COL5A2: variants seen among roughly 807,000 people sequenced by gnomAD.
COL5A2 encodes collagen type V alpha 2 chain, also known as collagen alpha-2(V) chain.
Under a neutral mutation model 208.2 loss-of-function variants are expected in COL5A2, and 23 were observed. That is an observed-to-expected ratio of 0.11 (90% confidence interval 0.08 to 0.16). The LOEUF (loss-of-function observed/expected upper bound fraction) is 0.16, where lower values mean the gene tolerates loss of function less well. Among genes scored for constraint, COL5A2 ranks in the 10% least tolerant of loss-of-function variants. COL5A2 has a pLI of 1.00. For missense variants in COL5A2, 1,590 were observed against 1,956.4 expected (o/e 0.81, Z 3.53); for synonymous variants, 625 against 628.5 (o/e 0.99, Z 0.08).
chr2:189,128,666 G>C (rs1464817164), intron 1 of COL5A2, among the ~76,000 whole-genome samples: 2 of 151,880 alleles, frequency 1.3e-5, no homozygotes, highest in Admixed American at 1.3e-4. Context: ...AGCATCTCTA[G>C]TATTTTGATG....
chr2:189,145,204 G>A (rs1267821394), intron 1 of COL5A2, among the ~76,000 whole-genome samples: 1 of 152,102 alleles, frequency 6.6e-6, no homozygotes, highest in Non-Finnish European at 1.5e-5. Flanking sequence ...CTTAGAAAGG[G>A]TTAGAAACAT....
intron 48 of COL5A2, 130 bp downstream of exon 48, chr2:189,043,021 C>A (rs977783406): frequency 6.0e-5 from 49 of 823,236 alleles, no homozygotes; most frequent in Middle Eastern, 5.8e-4. Flanking sequence ...TGTTATTCAT[C>A]AAGATATTCT....
intron 1 of COL5A2, among the ~76,000 whole-genome samples, chr2:189,120,144 A>G (rs1477378017): frequency 6.6e-6 from 1 of 152,094 alleles, no homozygotes; most frequent in African/African-American, 2.4e-5. Flanking sequence ...GTACAAAAGA[A>G]AACTTTGGAT....
the COL5A2 span, among the ~76,000 whole-genome samples, chr2:189,389,590 A>G: frequency 6.6e-6 from 1 of 152,170 alleles, no homozygotes; most frequent in Non-Finnish European, 1.5e-5. Flanking sequence ...TAAATTTTAG[A>G]TTGGAATAAA....
chr2:189,065,097 AT>A, intron 23 of COL5A2, 40 bp from the exon 24 acceptor site: 1 of 1,588,724 alleles, frequency 6.3e-7, no homozygotes, highest in South Asian at 1.1e-5. Context: ...TGTTGTTGAT[AT>A]TTTTGCAATA....
rs537479541 is a variant in COL5A2, at chr2:189,063,724, T to C, written c.1770+256A>G. On this transcript the variant is annotated intron_variant, in intron 26 of 53. Coordinates refer to ENST00000374866, the MANE Select transcript of COL5A2 (RefSeq NM_000393.5). Reference sequence around the variant, plus strand: ...GACAAATTTCACCAACATTAAAAACTATATCATTTTAACATTTTCACTGAT... The same window carrying C: ...GACAAATTTCACCAACATTAAAAACCATATCATTTTAACATTTTCACTGAT... 2.0e-5 allele frequency among the ~76,000 whole-genome samples: 3 copies of C among 152,302 alleles called. 1 individual carries two copies. In the South Asian group the frequency reaches 6.2e-4, roughly 32 times the overall value.
chr2:189,292,866 A>G, the COL5A2 span, among the ~76,000 whole-genome samples: 5 of 152,234 alleles, frequency 3.3e-5, no homozygotes, highest in Admixed American at 6.5e-5. Flanking sequence ...AATGTCCAGC[A>G]ATGATAGACT....
At chr2:189,408,300 G>T in the COL5A2 span, among the ~76,000 whole-genome samples, 52 of 152,308 alleles carry the variant, frequency 3.4e-4, no homozygotes, top group African/African-American at 1.2e-3. Context: ...CAGTCTCACA[G>T]ACATTACTGT....
chr2:189,289,054 C>T, the COL5A2 span, among the ~76,000 whole-genome samples: 7 of 152,208 alleles, frequency 4.6e-5, no homozygotes, highest in South Asian at 2.1e-4. Context: ...AAATGTACCT[C>T]GACATGGCTG....
the COL5A2 span, among the ~76,000 whole-genome samples, chr2:189,345,152 G>T: frequency 6.6e-5 from 10 of 152,092 alleles, no homozygotes; most frequent in Non-Finnish European, 1.5e-4. Context: ...TATTTGAGAG[G>T]CCTGATTATT....
At chr2:189,143,247 A>G (rs990646504) in intron 1 of COL5A2, among the ~76,000 whole-genome samples, 4 of 152,186 alleles carry the variant, frequency 2.6e-5, no homozygotes, top group Non-Finnish European at 5.9e-5. Flanking sequence ...TTGTCATACT[A>G]TGAACCCTAG....
At chr2:189,248,908 C>T in the COL5A2 span, among the ~76,000 whole-genome samples, 3 of 152,038 alleles carry the variant, frequency 2.0e-5, no homozygotes, top group Non-Finnish European at 2.9e-5. Flanking sequence ...ATCCACAAGG[C>T]TATTTTTGTG....
At chr2:189,364,611 C>T in the COL5A2 span, among the ~76,000 whole-genome samples, 1 of 151,750 alleles carries the variant, frequency 6.6e-6, no homozygotes, top group African/African-American at 2.4e-5. Context: ...CGCAAGAATC[C>T]AGGTGGAGGT....
chr2:189,060,008 C>T (rs1004045913), intron 31 of COL5A2, among the ~76,000 whole-genome samples: 11 of 152,104 alleles, frequency 7.2e-5, no homozygotes, highest in African/African-American at 2.7e-4. Flanking sequence ...CCCCAAATTA[C>T]ATTACCCACT....
Position 189,075,451 on chromosome 2 carries a change from A to G in COL5A2, c.1060-14T>C, listed in dbSNP as rs1323275014. ...ACCTCGTTGTCCCTAATTAAGAGAA[A>G]AAGAGACAAGACAGGATAAGATTAC... On this transcript the variant is annotated splice_polypyrimidine_tract_variant and intron_variant, in intron 16 of 53. Transcript: ENST00000374866. 9 of 1,601,300 alleles carry G rather than the reference A, an allele frequency of 5.6e-6. No individual in the cohort carries two copies. Among genetic ancestry groups the G allele is most frequent in the Non-Finnish European group, 7.7e-6 (9 of 1,168,872 alleles).
intron 8 of COL5A2, 115 bp from the exon 9 acceptor site, chr2:189,086,885 A>T: frequency 1.2e-6 from 1 of 836,570 alleles, no homozygotes; most frequent in Non-Finnish European, 2.0e-6. Context: ...ACAAAGGGGG[A>T]TGATGACATT....
intron 1 of COL5A2, among the ~76,000 whole-genome samples, chr2:189,216,441 C>T (rs974474119): frequency 2.0e-5 from 3 of 151,520 alleles, no homozygotes; most frequent in Non-Finnish European, 4.4e-5. Flanking sequence ...CTAGGTGATG[C>T]GAATTCAAAG....
At chr2:189,189,175 C>T (rs1052918848) in intron 1 of COL5A2, among the ~76,000 whole-genome samples, 1 of 152,084 alleles carries the variant, frequency 6.6e-6, no homozygotes, top group South Asian at 2.1e-4. Context: ...CAGAAGAATT[C>T]AATACCAAAT....
At chr2:189,053,083 T>C (rs1396440268) in intron 38 of COL5A2, 65 bp from the exon 39 acceptor site, 1 of 1,201,580 alleles carries the variant, frequency 8.3e-7, no homozygotes, top group East Asian at 2.5e-5. Flanking sequence ...TTTAGAGTAA[T>C]TATTACTAAT....
Sources: allele counts gnomAD v4.1 joint callset (sites outside exome capture counted in the v4.1 genomes callset), GRCh38; gene constraint gnomAD v4.1.1; transcripts MANE v1.5; gene names NCBI Gene and HGNC (gene_info 2026-07-23, HGNC 2026-07-21).